The following CSMD3 variants were observed in gnomAD, a reference collection of about 807,000 sequenced individuals.
The protein encoded by CSMD3 is CUB and sushi domain-containing protein 3.
CSMD3 carries 177 observed loss-of-function variants against 435.2 expected under a neutral mutation model. The ratio of observed to expected loss-of-function variants is 0.41; its 90% CI spans 0.36 to 0.46. The LOEUF (loss-of-function observed/expected upper bound fraction) is 0.46. Ranked by LOEUF, CSMD3 falls within the 20% of genes least tolerant of loss-of-function variation. CSMD3 has a pLI of 0.34. For synonymous variants in CSMD3, 1,656 were observed against 1,520.5 expected (o/e 1.09, Z -2.07); for missense variants, 4,265 against 4,504.6 (o/e 0.95, Z 1.52).
At chr8:112,951,035 G>A (rs554201597) in intron 8 of CSMD3, among the ~76,000 whole-genome samples, 1 of 151,870 alleles carries the variant, frequency 6.6e-6, no homozygotes, top group African/African-American at 2.4e-5. Flanking sequence ...AAAATGTAAG[G>A]ATAATGAGAG....
rs753743653 is a variant in CSMD3, at chr8:112,976,107, C to T, written c.1072G>A (p.Glu358Lys). 1.2e-6 allele frequency: 2 copies of T among 1,613,920 alleles called. No individual in the cohort carries two copies. Among genetic ancestry groups the T allele is most frequent in the Non-Finnish European group, 1.7e-6 (2 of 1,179,932 alleles). Residue 358 changes from glutamate (E) to lysine (K), a missense_variant, in exon 7 of 71, where the codon GAG becomes AAG. Glu to Lys is a moderately conservative substitution (Grantham distance 56). Around this residue, in one of 3 missense-constraint regions of CSMD3, gnomAD observed 731 missense variants for 755.4 expected, o/e 0.97. Coordinates refer to ENST00000297405, the MANE Select transcript of CSMD3 (RefSeq NM_198123.2). ...LTHTTSTGEL[E>K]EHNRTTTGAI... ...CCAGTGGTAGTCCTGTTATGCTCCT[C>T]TAACTCACCAGTGGAGGTAGTGTGG...
intron 1 of CSMD3, chr8:113,377,150 T>C (rs989708375): frequency 2.4e-6 from 3 of 1,246,404 alleles, no homozygotes; most frequent in African/African-American, 1.6e-5. Flanking sequence ...GGCCGAGGGG[T>C]GTACGCCCCG....
At chr8:113,119,567 A>G (rs2090928143) in intron 4 of CSMD3, among the ~76,000 whole-genome samples, 1 of 152,202 alleles carries the variant, frequency 6.6e-6, no homozygotes, top group Admixed American at 6.5e-5. Flanking sequence ...AAGGAGGAAA[A>G]GAAACCAAAG....
chr8:112,762,557 G>A (rs2077867176), intron 13 of CSMD3, among the ~76,000 whole-genome samples: 1 of 151,708 alleles, frequency 6.6e-6, no homozygotes, highest in Non-Finnish European at 1.5e-5. Flanking sequence ...ATAAGAGGTG[G>A]GCAGATTGTA....
At chr8:112,625,320 T>C (rs1417010275) in intron 22 of CSMD3, among the ~76,000 whole-genome samples, 1 of 152,054 alleles carries the variant, frequency 6.6e-6, no homozygotes, top group Admixed American at 6.6e-5. Context: ...AACATCATGA[T>C]TGAACAAGTG....
At chr8:113,305,306 A>G (rs1171006650) in intron 2 of CSMD3, among the ~76,000 whole-genome samples, 2 of 152,258 alleles carry the variant, frequency 1.3e-5, no homozygotes, top group East Asian at 3.9e-4. Context: ...TATAATAATA[A>G]TAAATAAATT....
At chr8:113,432,159 A>G (rs1366232171) in intron 1 of CSMD3, among the ~76,000 whole-genome samples, 1 of 152,092 alleles carries the variant, frequency 6.6e-6, no homozygotes, top group Non-Finnish European at 1.5e-5. Flanking sequence ...CCCCAACCAG[A>G]TGATTCCGGA....
At chr8:112,752,993 A>G (rs962688116) in intron 13 of CSMD3, among the ~76,000 whole-genome samples, 12 of 151,598 alleles carry the variant, frequency 7.9e-5, no homozygotes, top group African/African-American at 2.7e-4. Flanking sequence ...TGGTGCAGTC[A>G]TGGCTCACTG....
intron 50 of CSMD3, among the ~76,000 whole-genome samples, chr8:112,308,674 A>C (rs1271334773): frequency 6.6e-6 from 1 of 152,066 alleles, no homozygotes; most frequent in Non-Finnish European, 1.5e-5. Flanking sequence ...AATTATATTC[A>C]TGAGGATTGT....
At chr8:112,532,906 C>T (rs1274004542) in intron 27 of CSMD3, among the ~76,000 whole-genome samples, 1 of 151,850 alleles carries the variant, frequency 6.6e-6, no homozygotes, top group Non-Finnish European at 1.5e-5. Flanking sequence ...AGGAGATAGA[C>T]AATATGGAAA....
chr8:112,522,688 C>T (rs1318455563), intron 27 of CSMD3, among the ~76,000 whole-genome samples: 2 of 151,816 alleles, frequency 1.3e-5, no homozygotes, highest in African/African-American at 2.4e-5. Context: ...TGTGCCATAA[C>T]AATATTTACA....
At chr8:112,829,644 T>C in intron 12 of CSMD3, 42 bp downstream of exon 12, 1 of 1,112,458 alleles carries the variant, frequency 9.0e-7, no homozygotes, top group Middle Eastern at 2.0e-4. Context: ...ATTTTATTAG[T>C]ACCCGATAGG....
At chr8:113,185,483 C>T (rs1261518371) in intron 3 of CSMD3, among the ~76,000 whole-genome samples, 2 of 152,016 alleles carry the variant, frequency 1.3e-5, no homozygotes, top group Admixed American at 6.6e-5. Context: ...GAGGACACTC[C>T]TTTAGTCCCA....
At chr8:112,324,545 T>C (rs1376356951) in intron 45 of CSMD3, among the ~76,000 whole-genome samples, 2 of 151,384 alleles carry the variant, frequency 1.3e-5, no homozygotes, top group Non-Finnish European at 3.0e-5. Context: ...TATTAATTAG[T>C]AGAATTTAAC....
intron 2 of CSMD3, among the ~76,000 whole-genome samples, chr8:113,309,034 C>T (rs892800346): frequency 1.7e-4 from 26 of 151,986 alleles, no homozygotes; most frequent in Admixed American, 3.3e-4. Context: ...CTGCAACCTC[C>T]GCTTCCTGGG....
At chr8:112,830,585 C>T (rs921624695) in intron 11 of CSMD3, among the ~76,000 whole-genome samples, 1 of 151,942 alleles carries the variant, frequency 6.6e-6, no homozygotes. Context: ...TGCATAGAGT[C>T]ATGCTTTGAG....
chr8:113,348,277 A>C (rs1479798333), intron 1 of CSMD3, among the ~76,000 whole-genome samples: 2 of 152,112 alleles, frequency 1.3e-5, no homozygotes, highest in Admixed American at 6.6e-5. Context: ...TTATCACAGC[A>C]CTGTGAGGTA....
At chr8:112,960,513 T>C (rs536171514) in intron 7 of CSMD3, among the ~76,000 whole-genome samples, 2 of 151,896 alleles carry the variant, frequency 1.3e-5, no homozygotes, top group African/African-American at 4.8e-5. Flanking sequence ...AGGAAGACGA[T>C]ATAATAGAAA....
intron 27 of CSMD3, among the ~76,000 whole-genome samples, chr8:112,533,961 A>C (rs75338822): frequency 6.6e-6 from 1 of 152,080 alleles, no homozygotes. Flanking sequence ...CAAAAGAAAC[A>C]TTAGAAATTG....
Sources: gnomAD v4.1 joint callset for allele counts (sites outside exome capture counted in the v4.1 genomes callset) on GRCh38, gnomAD v4.1.1 for gene constraint, gnomAD v4.1.1 regional missense constraint, MANE v1.5 for transcripts, NCBI Gene and HGNC (gene_info 2026-07-23, HGNC 2026-07-21) for gene names.